Variants in TXLNA observed in about 807,000 individuals in gnomAD.
The protein encoded by TXLNA is taxilin alpha, also known as alpha-taxilin.
In TXLNA, 9 loss-of-function variants were observed where a neutral mutation model predicts 61.4. The observed-to-expected ratio is 0.15, with a 90% confidence interval of 0.09 to 0.26. TXLNA has a LOEUF of 0.26. TXLNA is among the 10% of genes least tolerant of loss of function. The probability of loss-of-function intolerance (pLI) is 1.00; values close to 1 mark genes in which losing one functional copy is unlikely to be tolerated. For synonymous variants in TXLNA, 257 were observed against 267.7 expected (o/e 0.96, Z 0.39); for missense variants, 565 against 688.8 (o/e 0.82, Z 2.01).
At chr1:32,183,199 C>T (rs995272315) in intron 3 of TXLNA, among the ~76,000 whole-genome samples, 10 of 151,924 alleles carry the variant, frequency 6.6e-5, no homozygotes, top group African/African-American at 2.4e-4. Flanking sequence ...TCTCAGCTCC[C>T]TGCAAGCTCC....
At chr1:32,189,746 T>C (rs1022638494) in intron 5 of TXLNA, among the ~76,000 whole-genome samples, 2 of 152,110 alleles carry the variant, frequency 1.3e-5, no homozygotes, top group Non-Finnish European at 2.9e-5. Flanking sequence ...TTTCACCATA[T>C]TGGCCAGGCT....
chr1:32,180,604 C>G, intron 2 of TXLNA, 90 bp downstream of exon 2: 2 of 1,451,358 alleles, frequency 1.4e-6, no homozygotes, highest in Non-Finnish European at 1.8e-6. Flanking sequence ...GCCAGGTTGT[C>G]CGGGAGGAGG....
Position 32,192,842 on chromosome 1 carries a change from T to C in TXLNA, c.1158+111T>C. On this transcript the variant is annotated intron_variant, in intron 8 of 10. Coordinates refer to ENST00000373610, the MANE Select transcript of TXLNA (RefSeq NM_175852.4). The surrounding 1 kb of genome is among the most constrained non-coding windows in gnomAD (Gnocchi z 4.2). ...AGGACTGGCTGTGTCCTGGCTGCTA[T>C]GACGCCTTGGTTGAGCCTTTGTTCT... The C allele has an allele frequency of 1.8e-6, 2 of 1,140,364 alleles. No homozygotes were observed. The highest frequency in any genetic ancestry group is 2.4e-5 in the East Asian group (1 of 41,594). The allele number at this position is 1,140,364 out of a possible 1,614,324, so 70.6% of individuals were successfully genotyped here. A position where few individuals can be genotyped will look rare whatever the true frequency, so the allele number is the denominator to read the frequency against.
intron 1 of TXLNA, 118 bp from the exon 2 acceptor site, chr1:32,180,195 GC>G: frequency 8.9e-7 from 1 of 1,120,412 alleles, no homozygotes; most frequent in Non-Finnish European, 1.2e-6. Flanking sequence ...GGCGCCCTCC[GC>G]CCGGGCCTGC....
intron 3 of TXLNA, among the ~76,000 whole-genome samples, chr1:32,182,749 CTTACT>C (rs565472083): frequency 6.6e-6 from 1 of 151,742 alleles, no homozygotes; most frequent in African/African-American, 2.4e-5. Flanking sequence ...TATGTATCCT[CTTACT>C]TTAAAGAGGA....
At chr1:32,188,875 G>A (rs999568609) in intron 5 of TXLNA, among the ~76,000 whole-genome samples, 1 of 152,212 alleles carries the variant, frequency 6.6e-6, no homozygotes, top group Non-Finnish European at 1.5e-5. Flanking sequence ...TGGTCAGTCA[G>A]GAACCTGGGT....
chr1:32,184,394 A>G, intron 3 of TXLNA, 131 bp from the exon 4 acceptor site: 1 of 663,966 alleles, frequency 1.5e-6, no homozygotes, highest in Admixed American at 2.3e-5. Flanking sequence ...ATGGCAAGGA[A>G]GGCAGCTAAT....
chr1:32,193,292 A>G lies in TXLNA; in HGVS notation c.1243A>G (p.Met415Val). ...SEVFTTFKQE[M>V]EKMTKKIKKL... ...GGTATTCACCACATTCAAGCAGGAGATGGAAAAGGTAACTGTGGTCCAGGC... is the reference window on the plus strand; with the variant it reads ...GGTATTCACCACATTCAAGCAGGAGGTGGAAAAGGTAACTGTGGTCCAGGC... The change falls in exon 9 of 11, where the codon ATG becomes GTG. Residue 415 changes from methionine to valine, a missense_variant. Transcript: ENST00000373610. The G allele has an allele frequency of 6.2e-7, 1 of 1,612,794 alleles. No homozygotes were observed. Among genetic ancestry groups the G allele is most frequent in the Non-Finnish European group, 8.5e-7 (1 of 1,179,150 alleles).
At position 32,192,562 on chromosome 1, in the gene TXLNA, G is replaced by C; in HGVS notation, c.1084-95G>C. On this transcript the variant is annotated intron_variant, in intron 7 of 10. Coordinates refer to ENST00000373610, the MANE Select transcript of TXLNA (RefSeq NM_175852.4). This position sits in a 1 kb window ranked among gnomAD's most constrained non-coding sequence, Gnocchi z 4.2. Reference sequence around the variant, plus strand: ...AGATTCCTTGAGTACCAGTCTGAGAGCAGGAAGCCTCAGTGGGTCTGGTGC... The same window carrying C: ...AGATTCCTTGAGTACCAGTCTGAGACCAGGAAGCCTCAGTGGGTCTGGTGC... 6.3e-7 allele frequency: 1 copy of C among 1,589,518 alleles called. No individual in the cohort carries two copies. The highest frequency in any genetic ancestry group is 1.7e-5 in the Admixed American group (1 of 59,388).
Position 32,192,645 on chromosome 1 carries a change from T to C in TXLNA, c.1084-12T>C. 3 of 1,614,126 alleles carry C rather than the reference T, an allele frequency of 1.9e-6. No individual in the cohort carries two copies. Among genetic ancestry groups the C allele is most frequent in the Non-Finnish European group, 2.5e-6 (3 of 1,179,996 alleles). ...GCTTCTGACAGGATCTGGGGTTCTGTCTTGGAAATAGCTCCTGAAAGAGGC... is the reference window on the plus strand; with the variant it reads ...GCTTCTGACAGGATCTGGGGTTCTGCCTTGGAAATAGCTCCTGAAAGAGGC... On this transcript the variant is annotated splice_polypyrimidine_tract_variant and intron_variant, in intron 7 of 10. Transcript: ENST00000373610. The surrounding 1 kb of genome is among the most constrained non-coding windows in gnomAD (Gnocchi z 4.2).
At chr1:32,181,056 G>T (rs1202590601) in intron 2 of TXLNA, among the ~76,000 whole-genome samples, 186 bp from the exon 3 acceptor site, 1 of 152,048 alleles carries the variant, frequency 6.6e-6, no homozygotes, top group African/African-American at 2.4e-5. Context: ...AAGATGTTTC[G>T]AATCTAAATT....
At chr1:32,190,458 A>G (rs549545937) in intron 6 of TXLNA, among the ~76,000 whole-genome samples, 26 of 152,298 alleles carry the variant, frequency 1.7e-4, no homozygotes, top group African/African-American at 6.3e-4. Flanking sequence ...CCAGGTCCAC[A>G]GTGCCTTGTC....
Position 32,181,282 on chromosome 1 carries a change from T to A in TXLNA, c.210T>A (p.Asp70Glu). 3 of 1,609,900 alleles carry A rather than the reference T, an allele frequency of 1.9e-6. No homozygotes were observed. The South Asian group carries it at 3.3e-5, about 18-fold the overall frequency. The change falls in exon 3 of 11, where the codon GAT becomes GAA. Residue 70 changes from aspartate to glutamate, a missense_variant. By Grantham distance (45) the Asp-to-Glu change is conservative. This residue lies in a region of TXLNA where 192 missense variants were observed against 184.8 expected (regional missense o/e 1.04). Transcript: ENST00000373610. ...CGGCTCAGTCTGGGGCCCTTCGTGA[T>A]GTCTCTGAGGAGCTGAGCCGCCAAC... is the stretch of plus-strand genomic sequence containing the variant. ...ARTAQSGALR[D>E]VSEELSRQLE...
chr1:32,198,262 TTAAA>T lies in TXLNA; in HGVS notation c.*3072_*3075del, dbSNP rs1361116985. The T allele has an allele frequency of 1.3e-5, 2 of 152,270 alleles. No homozygotes were observed. The highest frequency in any genetic ancestry group is 2.9e-5 in the Non-Finnish European group (2 of 68,062). The allele number at this position is 152,270 out of a possible 1,614,324, so 9.4% of individuals were successfully genotyped here. A position where few individuals can be genotyped will look rare whatever the true frequency, so the allele number is the denominator to read the frequency against. On this transcript the variant is annotated 3_prime_UTR_variant, in exon 11 of 11. Transcript: ENST00000373610. ...TGATTTTGATGTATTTTAAACCACA[TTAAA>T]TAAAGAGTCTGTTGCCTTACTTGTT...
At chr1:32,194,572 G>T (rs1234662655) in intron 10 of TXLNA, among the ~76,000 whole-genome samples, 1 of 152,178 alleles carries the variant, frequency 6.6e-6, no homozygotes, top group African/African-American at 2.4e-5. Context: ...ATGTTTTTAG[G>T]TACGTTGTTC....
intron 6 of TXLNA, among the ~76,000 whole-genome samples, chr1:32,191,858 G>C (rs1260362528): frequency 6.6e-6 from 1 of 152,236 alleles, no homozygotes; most frequent in Non-Finnish European, 1.5e-5. Flanking sequence ...AGGCAGGACA[G>C]CCATTCCTTG....
At chr1:32,183,423 CTTTTTTT>C (rs1162538631) in intron 3 of TXLNA, among the ~76,000 whole-genome samples, 1 of 91,822 alleles carries the variant, frequency 1.1e-5, no homozygotes, top group South Asian at 4.4e-4. Context: ...CGTACCCTGC[CTTTTTTT>C]TTTTTTTTTT....
At chr1:32,182,199 G>A (rs9660785) in intron 3 of TXLNA, among the ~76,000 whole-genome samples, 1 of 148,996 alleles carries the variant, frequency 6.7e-6, no homozygotes, top group Admixed American at 6.8e-5. Context: ...AATGGTAAGA[G>A]CCAAACAAAA....
intron 3 of TXLNA, among the ~76,000 whole-genome samples, chr1:32,182,222 T>C (rs1366959226): frequency 6.6e-6 from 1 of 151,056 alleles, no homozygotes; most frequent in East Asian, 2.0e-4. Context: ...CATCCGTGGG[T>C]TGGATTTGGC....
Sources: gnomAD v4.1 joint callset for allele counts (sites outside exome capture counted in the v4.1 genomes callset) on GRCh38, gnomAD v4.1.1 for gene constraint, gnomAD v4.1.1 regional missense constraint, Gnocchi (gnomAD v3.1) non-coding constraint, MANE v1.5 for transcripts, NCBI Gene and HGNC (gene_info 2026-07-23, HGNC 2026-07-21) for gene names.